MAGI2: variants seen among roughly 807,000 people sequenced by gnomAD.
MAGI2 encodes membrane-associated guanylate kinase, WW and PDZ domain-containing protein 2.
A neutral mutation model predicts 133.3 loss-of-function variants in MAGI2; 35 were observed. The ratio of observed to expected loss-of-function variants is 0.26; its 90% CI spans 0.20 to 0.35. The LOEUF (loss-of-function observed/expected upper bound fraction) is 0.35. MAGI2 is among the 10% of genes least tolerant of loss of function. The probability of loss-of-function intolerance (pLI) is 1.00; values close to 1 mark genes in which losing one functional copy is unlikely to be tolerated. For synonymous variants in MAGI2, 729 were observed against 710.6 expected (o/e 1.03, Z -0.41); for missense variants, 1,636 against 1,863.4 (o/e 0.88, Z 2.25).
intron 1 of MAGI2, chr7:79,173,062 A>G (rs1043764198): frequency 2.0e-5 from 3 of 152,046 alleles, no homozygotes; most frequent in African/African-American, 7.2e-5. Flanking sequence ...AAATAAAGAA[A>G]ATCAATTAAT....
intron 9 of MAGI2, among the ~76,000 whole-genome samples, chr7:78,333,893 C>T (rs1789488800): frequency 6.6e-6 from 1 of 152,178 alleles, no homozygotes; most frequent in African/African-American, 2.4e-5. Context: ...ATCTAGTGTT[C>T]TTTTAAATCA....
intron 2 of MAGI2, among the ~76,000 whole-genome samples, chr7:78,890,214 C>T (rs1244215987): frequency 1.3e-5 from 2 of 152,174 alleles, no homozygotes; most frequent in Non-Finnish European, 2.9e-5. Context: ...CAGGAGCACC[C>T]AGATTCATAA....
chr7:79,117,108 G>A (rs1584965487), intron 1 of MAGI2, among the ~76,000 whole-genome samples: 1 of 152,196 alleles, frequency 6.6e-6, no homozygotes, highest in African/African-American at 2.4e-5. Flanking sequence ...AATAACAAAG[G>A]TGTTTAAATC....
intron 1 of MAGI2, chr7:79,125,291 G>A: frequency 2.2e-6 from 1 of 459,104 alleles, no homozygotes; most frequent in Non-Finnish European, 4.2e-6. Flanking sequence ...AACAAGAGAT[G>A]GCTAGTGCTT....
At chr7:78,402,191 C>G (rs1226266119) in intron 6 of MAGI2, among the ~76,000 whole-genome samples, 2 of 151,422 alleles carry the variant, frequency 1.3e-5, no homozygotes, top group Admixed American at 1.3e-4. Context: ...TGTGTGCCCA[C>G]CTGGGGGGTG....
At chr7:79,440,010 G>T (rs189695531) in intron 1 of MAGI2, among the ~76,000 whole-genome samples, 1 of 152,078 alleles carries the variant, frequency 6.6e-6, no homozygotes, top group African/African-American at 2.4e-5. Context: ...TTTGCCAAAT[G>T]CAAGGGAAAC....
At chr7:78,188,241 T>C (rs1471391893) in intron 12 of MAGI2, among the ~76,000 whole-genome samples, 2 of 152,208 alleles carry the variant, frequency 1.3e-5, no homozygotes, top group Non-Finnish European at 2.9e-5. Context: ...GGATACCTTT[T>C]TAAAATTAGA....
chr7:79,245,384 C>T (rs1832744103), intron 1 of MAGI2, among the ~76,000 whole-genome samples: 1 of 152,174 alleles, frequency 6.6e-6, no homozygotes, highest in South Asian at 2.1e-4. Flanking sequence ...CTGCCATTGG[C>T]CAGATGGAAG....
At chr7:78,773,003 C>A (rs1825711642) in intron 2 of MAGI2, among the ~76,000 whole-genome samples, 2 of 152,170 alleles carry the variant, frequency 1.3e-5, no homozygotes, top group African/African-American at 2.4e-5. Flanking sequence ...CCCTACTTCA[C>A]CCACTGGCTT....
chr7:79,345,313 C>T (rs77476937), intron 1 of MAGI2, among the ~76,000 whole-genome samples: 1 of 152,030 alleles, frequency 6.6e-6, no homozygotes, highest in African/African-American at 2.4e-5. Flanking sequence ...AGCTAAGGAG[C>T]ACCACAGATT....
chr7:78,983,878 T>C (rs1805007306), intron 2 of MAGI2, among the ~76,000 whole-genome samples: 1 of 151,938 alleles, frequency 6.6e-6, no homozygotes, highest in Admixed American at 6.6e-5. Flanking sequence ...ATTTCCCTGG[T>C]TTTACATATT....
intron 2 of MAGI2, among the ~76,000 whole-genome samples, chr7:78,932,739 A>C (rs1800231093): frequency 6.6e-6 from 1 of 152,168 alleles, no homozygotes; most frequent in Admixed American, 6.6e-5. Flanking sequence ...CTTTATGGTC[A>C]TAAAGCATCT....
At chr7:78,300,269 G>A (rs1797714979) in intron 9 of MAGI2, among the ~76,000 whole-genome samples, 1 of 152,102 alleles carries the variant, frequency 6.6e-6, no homozygotes, top group Non-Finnish European at 1.5e-5. Flanking sequence ...ACAAATTTGT[G>A]TTTTAAAAAT....
At position 79,186,191 on chromosome 7, in the gene MAGI2, AATATATATATAT is replaced by A. The variant is rs60719172; in HGVS notation, c.302-178997_302-178986del. 2.8e-3 allele frequency among the ~76,000 whole-genome samples: 312 copies of A among 111,702 alleles called. 3 individuals are homozygous for A. The highest frequency in any genetic ancestry group is 0.014 in the African/African-American group (270 of 19,320). The allele number at this position is 111,702 out of a possible 152,430, so 73.3% of individuals were successfully genotyped here. A position where few individuals can be genotyped will look rare whatever the true frequency, so the allele number is the denominator to read the frequency against. On this transcript the variant is annotated intron_variant, in intron 1 of 21. Coordinates refer to ENST00000354212, the MANE Select transcript of MAGI2 (RefSeq NM_012301.4). ...GAGGCCAGCCCTATTTGCCTGGGAA[AATATATATATAT>A]ATATATATATATATATATATATATA...
intron 1 of MAGI2, among the ~76,000 whole-genome samples, chr7:79,295,500 A>G (rs1231365856): frequency 6.6e-6 from 1 of 152,174 alleles, no homozygotes. Context: ...TGCTAAATAT[A>G]TAATTGCTTT....
intron 6 of MAGI2, among the ~76,000 whole-genome samples, chr7:78,394,695 C>T (rs9641392): frequency 0.9 from 137,049 of 152,252 alleles, 61,900 homozygotes; most frequent in African/African-American, 0.96. Context: ...TACAGGGCAA[C>T]GGTTAATTTT....
At chr7:78,786,414 G>A (rs573227325) in intron 2 of MAGI2, among the ~76,000 whole-genome samples, 38 of 152,176 alleles carry the variant, frequency 2.5e-4, no homozygotes, top group Non-Finnish European at 3.5e-4. Context: ...ATCCCAAAGA[G>A]TTCCTATTTC....
intron 1 of MAGI2, among the ~76,000 whole-genome samples, chr7:79,423,214 ACAT>A (rs924653882): frequency 1.0e-5 from 1 of 99,022 alleles, no homozygotes; most frequent in Non-Finnish European, 1.7e-5. Flanking sequence ...ATCGTTGTAC[ACAT>A]CATCAATAAA....
chr7:79,394,788 A>G (rs1844919288), intron 1 of MAGI2, among the ~76,000 whole-genome samples: 1 of 152,208 alleles, frequency 6.6e-6, no homozygotes, highest in African/African-American at 2.4e-5. Context: ...ATGTTTCACT[A>G]TATAATTTCA....
Sources: allele counts gnomAD v4.1 joint callset (sites outside exome capture counted in the v4.1 genomes callset), GRCh38; gene constraint gnomAD v4.1.1; transcripts MANE v1.5; gene names NCBI Gene and HGNC (gene_info 2026-07-23, HGNC 2026-07-21).